Variants in SKAP1 observed in about 807,000 individuals in gnomAD.
SKAP1 encodes src kinase associated phosphoprotein 1, also known as src kinase-associated phosphoprotein 1.
SKAP1 carries 44 observed loss-of-function variants against 58.5 expected under a neutral mutation model. The ratio of observed to expected loss-of-function variants is 0.75; its 90% CI spans 0.59 to 0.97. The LOEUF (loss-of-function observed/expected upper bound fraction) is 0.97. SKAP1 is among the 50% of genes least tolerant of loss of function. The pLI is 0.00. For synonymous variants in SKAP1, 127 were observed against 149.7 expected (o/e 0.85, Z 1.11); for missense variants, 390 against 435.2 (o/e 0.90, Z 0.92).
chr17:48,218,436 C>T (rs528914993), intron 4 of SKAP1, among the ~76,000 whole-genome samples: 39 of 152,280 alleles, frequency 2.6e-4, no homozygotes, highest in African/African-American at 9.1e-4. Flanking sequence ...TATCAAAGTC[C>T]TCATCACTTA....
At chr17:48,331,752 A>C (rs2066510578) in intron 4 of SKAP1, among the ~76,000 whole-genome samples, 1 of 152,110 alleles carries the variant, frequency 6.6e-6, no homozygotes, top group African/African-American at 2.4e-5. Context: ...TCTAGTTTTC[A>C]TGCAAAATAC....
chr17:48,202,152 C>T (rs1035912682), intron 4 of SKAP1, among the ~76,000 whole-genome samples: 1 of 152,156 alleles, frequency 6.6e-6, no homozygotes, highest in South Asian at 2.1e-4. Context: ...AATAATTTTG[C>T]CTTCTCTATG....
chr17:48,240,272 C>T (rs1247659998), intron 4 of SKAP1, among the ~76,000 whole-genome samples: 1 of 152,098 alleles, frequency 6.6e-6, no homozygotes, highest in African/African-American at 2.4e-5. Context: ...TGCTCCTGAG[C>T]TGACAACTGA....
chr17:48,382,463 A>G (rs527286598), intron 2 of SKAP1: 1 of 152,388 alleles, frequency 6.6e-6, no homozygotes, highest in South Asian at 2.1e-4. Context: ...AAGCAACACC[A>G]AGAGCCAGCT....
At chr17:48,290,302 AC>A (rs2065884025) in intron 4 of SKAP1, among the ~76,000 whole-genome samples, 2 of 152,232 alleles carry the variant, frequency 1.3e-5, no homozygotes, top group Admixed American at 1.3e-4. Flanking sequence ...GAGGAAAGAA[AC>A]AAAACCATTA....
intron 3 of SKAP1, among the ~76,000 whole-genome samples, 183 bp from the exon 4 acceptor site, chr17:48,346,189 A>G (rs2066721642): frequency 6.6e-6 from 1 of 152,194 alleles, no homozygotes; most frequent in Non-Finnish European, 1.5e-5. Context: ...TAGGTTCAAG[A>G]ACTGACTTAC....
At chr17:48,171,385 C>A (rs996224330) in intron 9 of SKAP1, among the ~76,000 whole-genome samples, 2 of 151,934 alleles carry the variant, frequency 1.3e-5, no homozygotes, top group African/African-American at 4.8e-5. Context: ...GGATTACAGG[C>A]GTGAGCCACC....
At chr17:48,201,897 A>T (rs1486818533) in intron 4 of SKAP1, among the ~76,000 whole-genome samples, 1 of 152,236 alleles carries the variant, frequency 6.6e-6, no homozygotes, top group Non-Finnish European at 1.5e-5. Context: ...TGAGTGGCTG[A>T]GAATTTGGTC....
intron 10 of SKAP1, among the ~76,000 whole-genome samples, chr17:48,169,148 G>A (rs891597183): frequency 1.6e-4 from 24 of 151,814 alleles, no homozygotes; most frequent in African/African-American, 5.6e-4. Context: ...ATAGCTGTAG[G>A]AACAGTTAAG....
intron 11 of SKAP1, among the ~76,000 whole-genome samples, chr17:48,156,881 AT>A (rs1324191685): frequency 2.6e-5 from 4 of 151,318 alleles, no homozygotes; most frequent in Admixed American, 1.3e-4. Flanking sequence ...TTCACTGGGT[AT>A]TTTTTTTTGT....
intron 4 of SKAP1, among the ~76,000 whole-genome samples, chr17:48,292,041 T>C (rs1043184335): frequency 2.6e-5 from 4 of 151,032 alleles, no homozygotes; most frequent in Non-Finnish European, 5.9e-5. Context: ...CAGATAAGGG[T>C]TTATTTCTTT....
At chr17:48,262,605 AGATTT>A (rs1263829187) in intron 4 of SKAP1, among the ~76,000 whole-genome samples, 2 of 152,214 alleles carry the variant, frequency 1.3e-5, no homozygotes, top group Non-Finnish European at 2.9e-5. Context: ...CATTGCATGA[AGATTT>A]GATTTTCCTA....
chr17:48,189,728 A>T (rs1006869990), intron 4 of SKAP1, among the ~76,000 whole-genome samples: 1 of 151,144 alleles, frequency 6.6e-6, no homozygotes, highest in Non-Finnish European at 1.5e-5. Flanking sequence ...GCTGGAGTAT[A>T]CAATGGCGCT....
chr17:48,378,630 G>T (rs1219723358), intron 2 of SKAP1, among the ~76,000 whole-genome samples: 2 of 151,972 alleles, frequency 1.3e-5, no homozygotes, highest in African/African-American at 2.4e-5. Flanking sequence ...TTCCTTTCAT[G>T]CCTCCTTCTT....
intron 4 of SKAP1, among the ~76,000 whole-genome samples, chr17:48,194,626 A>G (rs977619639): frequency 2.0e-5 from 3 of 152,236 alleles, no homozygotes; most frequent in Non-Finnish European, 4.4e-5. Context: ...CCAGGTGCCC[A>G]CTAACTTTCA....
At chr17:48,138,399 TG>T (rs1399049927) in intron 11 of SKAP1, among the ~76,000 whole-genome samples, 1 of 150,804 alleles carries the variant, frequency 6.6e-6, no homozygotes, top group Non-Finnish European at 1.5e-5. Context: ...AGACAGAGTC[TG>T]GCTCTGTCTC....
chr17:48,141,840 C>T (rs1369080475), intron 11 of SKAP1, among the ~76,000 whole-genome samples: 1 of 152,220 alleles, frequency 6.6e-6, no homozygotes, highest in African/African-American at 2.4e-5. Flanking sequence ...AACCTTTCCT[C>T]TGCCTGTTTA....
In SKAP1 at chr17:48,415,889, T is replaced by A. The variant is rs1218737621; in HGVS notation, c.46+14186A>T. On this transcript the variant is annotated intron_variant, in intron 1 of 12. Transcript: ENST00000336915. ...GGGATAAAGAGTGCACTCCCCCAACTAACAAGAGGAAGCAAGTAGAAGGGG... is the reference window on the plus strand; with the variant it reads ...GGGATAAAGAGTGCACTCCCCCAACAAACAAGAGGAAGCAAGTAGAAGGGG... Among the ~76,000 whole-genome samples the A allele has an allele frequency of 2.0e-5, 3 of 151,956 alleles. No individual in the cohort carries two copies. The East Asian group carries it at 5.8e-4, about 29-fold the overall frequency.
At chr17:48,158,437 G>C (rs1381734664) in intron 11 of SKAP1, among the ~76,000 whole-genome samples, 1 of 150,478 alleles carries the variant, frequency 6.6e-6, no homozygotes, top group African/African-American at 2.4e-5. Context: ...GCATGGTGGC[G>C]GGTGCCTGTA....
Sources: gnomAD v4.1 joint callset for allele counts (sites outside exome capture counted in the v4.1 genomes callset) on GRCh38, gnomAD v4.1.1 for gene constraint, MANE v1.5 for transcripts, NCBI Gene and HGNC (gene_info 2026-07-23, HGNC 2026-07-21) for gene names.